PTPRT: variants seen among roughly 807,000 people sequenced by gnomAD.
PTPRT encodes the protein receptor-type tyrosine-protein phosphatase T.
A neutral mutation model predicts 176.8 loss-of-function variants in PTPRT; 56 were observed. That is an observed-to-expected ratio of 0.32 (90% confidence interval 0.26 to 0.40). The LOEUF is 0.40. Among genes scored for constraint, PTPRT ranks in the 10% least tolerant of loss-of-function variants. The pLI is 1.00. For synonymous variants in PTPRT, 783 were observed against 739.0 expected, an observed-to-expected ratio of 1.06 and a Z score of -0.96; for missense variants, 1,540 against 1,908.2, an observed-to-expected ratio of 0.81 and a Z score of 3.60.
At chr20:43,012,276 A>G (rs1005976142) in intron 1 of PTPRT, among the ~76,000 whole-genome samples, 1 of 152,246 alleles carries the variant, frequency 6.6e-6, no homozygotes, top group Non-Finnish European at 1.5e-5. Context: ...CACATGCTGT[A>G]ACATGAATGT....
At chr20:42,355,638 G>A (rs2058348763) in intron 9 of PTPRT, among the ~76,000 whole-genome samples, 1 of 152,168 alleles carries the variant, frequency 6.6e-6, no homozygotes, top group African/African-American at 2.4e-5. Flanking sequence ...GCATGCAGGT[G>A]GATTCTGGTT....
intron 9 of PTPRT, among the ~76,000 whole-genome samples, chr20:42,408,688 C>T (rs1172746663): frequency 6.6e-6 from 1 of 151,854 alleles, no homozygotes; most frequent in Non-Finnish European, 1.5e-5. Flanking sequence ...CAGACCAATC[C>T]ATCTTGCAAT....
At chr20:43,058,308 G>C (rs1263048826) in intron 1 of PTPRT, among the ~76,000 whole-genome samples, 1 of 152,024 alleles carries the variant, frequency 6.6e-6, no homozygotes, top group Non-Finnish European at 1.5e-5. Context: ...TCGGGTGAAA[G>C]AGGGCAAGAA....
At chr20:43,127,012 C>T (rs540528063) in intron 1 of PTPRT, among the ~76,000 whole-genome samples, 1 of 152,226 alleles carries the variant, frequency 6.6e-6, no homozygotes, top group South Asian at 2.1e-4. Context: ...TTCATTGCCA[C>T]AGGAAATGGA....
At chr20:42,722,619 T>C (rs2076320625) in intron 6 of PTPRT, among the ~76,000 whole-genome samples, 1 of 152,088 alleles carries the variant, frequency 6.6e-6, no homozygotes, top group Non-Finnish European at 1.5e-5. Context: ...CTGCTCTCTG[T>C]CCAAAAGTAG....
intron 1 of PTPRT, among the ~76,000 whole-genome samples, chr20:43,165,818 C>A (rs928729747): frequency 6.6e-6 from 1 of 152,102 alleles, no homozygotes; most frequent in Non-Finnish European, 1.5e-5. Flanking sequence ...CATCAACTTC[C>A]TTGAAAAAAA....
chr20:43,147,417 G>T (rs192599530), intron 1 of PTPRT, among the ~76,000 whole-genome samples: 21 of 152,032 alleles, frequency 1.4e-4, no homozygotes, highest in Non-Finnish European at 2.5e-4. Flanking sequence ...CCTACACATC[G>T]CTTCGTCAGA....
intron 9 of PTPRT, among the ~76,000 whole-genome samples, chr20:42,404,969 T>C (rs1323038980): frequency 8.1e-6 from 1 of 123,166 alleles, no homozygotes; most frequent in Non-Finnish European, 1.7e-5. Context: ...GAGGGCCAAT[T>C]AATTATATAT....
chr20:42,363,286 ATATATATATATATATTTTTTTT>A (rs1414177206), intron 9 of PTPRT, among the ~76,000 whole-genome samples: 526 of 29,306 alleles, frequency 0.018, 22 homozygotes, highest in East Asian at 0.17. Context: ...ATATATATAT[ATATATATATATATATTTTTTTT>A]TTTTTTTTTT....
At chr20:42,373,438 C>T (rs2058613052) in intron 9 of PTPRT, among the ~76,000 whole-genome samples, 1 of 152,154 alleles carries the variant, frequency 6.6e-6, no homozygotes, top group African/African-American at 2.4e-5. Flanking sequence ...CTGACAGGAT[C>T]CTATCATTGA....
At chr20:42,327,665 G>A (rs1273915270) in intron 11 of PTPRT, among the ~76,000 whole-genome samples, 1 of 152,120 alleles carries the variant, frequency 6.6e-6, no homozygotes, top group East Asian at 1.9e-4. Flanking sequence ...AGGATATGTG[G>A]ATGGTTATTG....
At chr20:42,469,306 C>A (rs562322805) in intron 8 of PTPRT, among the ~76,000 whole-genome samples, 1 of 151,984 alleles carries the variant, frequency 6.6e-6, no homozygotes, top group Admixed American at 6.5e-5. Flanking sequence ...CAGGTTCAAG[C>A]GATTCTCCTG....
the PTPRT span, among the ~76,000 whole-genome samples, chr20:42,042,992 G>A: frequency 3.9e-5 from 6 of 152,334 alleles, no homozygotes; most frequent in East Asian, 1.2e-3. Context: ...GCTTTTTAGA[G>A]AGACTGATGT....
chr20:42,733,979 G>C (rs752494003), intron 6 of PTPRT, among the ~76,000 whole-genome samples: 1 of 152,322 alleles, frequency 6.6e-6, no homozygotes, highest in African/African-American at 2.4e-5. Context: ...AGGCCCAGGA[G>C]TCTCAACTGG....
At chr20:42,121,291 A>G (rs770020274) in intron 19 of PTPRT, among the ~76,000 whole-genome samples, 1 of 152,194 alleles carries the variant, frequency 6.6e-6, no homozygotes, top group Non-Finnish European at 1.5e-5. Flanking sequence ...CATGACCAGA[A>G]CTGTTGGATT....
chr20:43,118,114 T>C (rs961182902), intron 1 of PTPRT, among the ~76,000 whole-genome samples: 1 of 152,226 alleles, frequency 6.6e-6, no homozygotes, highest in Non-Finnish European at 1.5e-5. Flanking sequence ...CATTTTCAGC[T>C]TGTCGCTGCA....
At chr20:43,045,503 G>A (rs1422066584) in intron 1 of PTPRT, among the ~76,000 whole-genome samples, 1 of 147,148 alleles carries the variant, frequency 6.8e-6, no homozygotes, top group East Asian at 2.0e-4. Context: ...ACCTAGGCTG[G>A]AGTCCAGCAG....
intron 1 of PTPRT, among the ~76,000 whole-genome samples, chr20:43,049,697 C>T (rs1374513477): frequency 2.0e-5 from 3 of 152,142 alleles, no homozygotes; most frequent in African/African-American, 7.2e-5. Flanking sequence ...AAGTATTTCC[C>T]GGGGAAATCA....
chr20:42,158,424 T>C (rs1455119019), intron 17 of PTPRT, among the ~76,000 whole-genome samples: 2 of 152,220 alleles, frequency 1.3e-5, no homozygotes, highest in Non-Finnish European at 2.9e-5. Context: ...ATGGCTGAGA[T>C]GTCCCTTAGA....
Sources: allele counts gnomAD v4.1 joint callset (sites outside exome capture counted in the v4.1 genomes callset), GRCh38; gene constraint gnomAD v4.1.1; transcripts MANE v1.5; gene names NCBI Gene and HGNC (gene_info 2026-07-23, HGNC 2026-07-21).